Variants in CHSY3 observed in about 807,000 individuals in gnomAD.
CHSY3 encodes the protein chondroitin sulfate synthase 3.
In CHSY3, 35 loss-of-function variants were observed where a neutral mutation model predicts 67.2. The observed-to-expected ratio is 0.52, with a 90% CI of 0.40 to 0.69. The LOEUF is 0.69. Among genes scored for constraint, CHSY3 ranks in the 30% least tolerant of loss-of-function variants. The probability of loss-of-function intolerance (pLI) is 0.00; values close to 1 mark genes in which losing one functional copy is unlikely to be tolerated. For synonymous variants in CHSY3, 474 were observed against 434.7 expected (o/e 1.09, Z -1.12); for missense variants, 1,069 against 1,138.5 (o/e 0.94, Z 0.88).
At chr5:129,947,876 C>T (rs962570786) in intron 2 of CHSY3, among the ~76,000 whole-genome samples, 7 of 152,128 alleles carry the variant, frequency 4.6e-5, no homozygotes, top group African/African-American at 1.7e-4. Context: ...TGTTGAACAC[C>T]TTTTAATATA....
intron 2 of CHSY3, among the ~76,000 whole-genome samples, chr5:129,952,586 A>G (rs967024860): frequency 6.6e-5 from 10 of 152,142 alleles, no homozygotes; most frequent in Non-Finnish European, 1.5e-4. Flanking sequence ...TTTAATGAAA[A>G]TGTCCATTTG....
At position 130,184,376 on chromosome 5, in the gene CHSY3, C is replaced by T. The variant is rs151036314; in HGVS notation, c.1234C>T (p.Arg412Cys). Residue 412 changes from arginine to cysteine, a missense_variant, in exon 3 of 3, where the codon CGC becomes TGC. Arg to Cys is a radical substitution (Grantham distance 180, BLOSUM62 -3). This residue lies in a region of CHSY3 where 401 missense variants were observed against 395.2 expected (regional missense o/e 1.01). Coordinates refer to ENST00000305031, the MANE Select transcript of CHSY3 (RefSeq NM_175856.5). ...QYRLHNYMLS[R>C]KISELRYRTI... ...CAGGCTGCATAATTACATGCTCAGCCGCAAAATTTCTGAACTTCGCTACCG... is the reference window on the plus strand; with the variant it reads ...CAGGCTGCATAATTACATGCTCAGCTGCAAAATTTCTGAACTTCGCTACCG... The T allele has an allele frequency of 4.3e-6, 7 of 1,613,870 alleles. No homozygotes were observed. Among genetic ancestry groups the T allele is most frequent in the Middle Eastern group, 1.6e-4 (1 of 6,082 alleles).
At chr5:130,135,303 G>T (rs959587639) in intron 2 of CHSY3, among the ~76,000 whole-genome samples, 1 of 151,488 alleles carries the variant, frequency 6.6e-6, no homozygotes, top group African/African-American at 2.4e-5. Flanking sequence ...CACACCCTGT[G>T]CTGTACTTTA....
rs1340662666 is a variant in CHSY3, at chr5:129,988,893, A to G, written c.1086+80533A>G. 2.0e-5 allele frequency among the ~76,000 whole-genome samples: 3 copies of G among 152,176 alleles called. No homozygotes were observed. The East Asian group carries it at 5.8e-4, about 29-fold the overall frequency. On this transcript the variant is annotated intron_variant, in intron 2 of 2. Coordinates refer to ENST00000305031, the MANE Select transcript of CHSY3 (RefSeq NM_175856.5). ...TTAAAACCTGTACTTCTGTACCAACATCATCAGAGGGGCCCATTTGTCCTT... is the reference window on the plus strand; with the variant it reads ...TTAAAACCTGTACTTCTGTACCAACGTCATCAGAGGGGCCCATTTGTCCTT...
In CHSY3 at chr5:130,185,836, C is replaced by G. The variant is rs1400752079; in HGVS notation, c.*45C>G. The stretch of plus-strand genomic sequence containing the variant: ...TGCCTTTTTTAAGGGGAGTTTACCT[C>G]ATTGTTGGTTGTTGTTATTTTTATT... On this transcript the variant is annotated 3_prime_UTR_variant, in exon 3 of 3. Transcript: ENST00000305031. 4 of 1,225,314 alleles carry G rather than the reference C, an allele frequency of 3.3e-6. 1 individual carries two copies. The South Asian group carries it at 7.7e-5, about 24-fold the overall frequency. 75.9% of individuals were successfully genotyped at this position (1,225,314 alleles called of 1,614,324 possible).
intron 2 of CHSY3, among the ~76,000 whole-genome samples, chr5:130,104,704 C>T (rs1206004529): frequency 3.3e-5 from 5 of 151,612 alleles, no homozygotes; most frequent in South Asian, 2.1e-4. Flanking sequence ...GTTAATGTTT[C>T]GACTTGTTAA....
chr5:129,943,930 A>T (rs2149596436), intron 2 of CHSY3, among the ~76,000 whole-genome samples: 1 of 152,364 alleles, frequency 6.6e-6, no homozygotes, highest in Non-Finnish European at 1.5e-5. Flanking sequence ...GCTGGGGAAC[A>T]CACAAGTGTG....
At chr5:129,960,782 A>T (rs950797362) in intron 2 of CHSY3, among the ~76,000 whole-genome samples, 3 of 152,058 alleles carry the variant, frequency 2.0e-5, no homozygotes, top group African/African-American at 7.2e-5. Flanking sequence ...TTTCCTGCAA[A>T]ATTAACAGAT....
chr5:130,002,462 A>G (rs1020723926), intron 2 of CHSY3, among the ~76,000 whole-genome samples: 1 of 152,090 alleles, frequency 6.6e-6, no homozygotes, highest in African/African-American at 2.4e-5. Context: ...TCTGCAGATG[A>G]GAGGGAGCCA....
At chr5:130,161,911 G>T (rs987396013) in intron 2 of CHSY3, among the ~76,000 whole-genome samples, 4 of 151,706 alleles carry the variant, frequency 2.6e-5, no homozygotes, top group African/African-American at 9.7e-5. Flanking sequence ...GTGGTGGTGT[G>T]CACCTGTAAT....
At chr5:129,959,997 G>A (rs1387147208) in intron 2 of CHSY3, among the ~76,000 whole-genome samples, 1 of 152,022 alleles carries the variant, frequency 6.6e-6, no homozygotes, top group Admixed American at 6.6e-5. Flanking sequence ...CTAACCCAAA[G>A]GACTCTGAAT....
intron 2 of CHSY3, among the ~76,000 whole-genome samples, chr5:130,146,381 T>G (rs143517810): frequency 6.6e-6 from 1 of 152,118 alleles, no homozygotes; most frequent in African/African-American, 2.4e-5. Flanking sequence ...ATCTCACTCA[T>G]ACGTGGAAAC....
chr5:130,157,394 G>T (rs1343165166), intron 2 of CHSY3, among the ~76,000 whole-genome samples: 1 of 152,198 alleles, frequency 6.6e-6, no homozygotes, highest in Non-Finnish European at 1.5e-5. Context: ...GGTGCTAATA[G>T]GAACTATTTA....
chr5:130,128,729 G>A (rs1047564444), intron 2 of CHSY3, among the ~76,000 whole-genome samples: 1 of 152,018 alleles, frequency 6.6e-6, no homozygotes, highest in Non-Finnish European at 1.5e-5. Flanking sequence ...TATGTCTGTG[G>A]CCTTGTATAA....
At chr5:130,028,614 A>G (rs955867243) in intron 2 of CHSY3, among the ~76,000 whole-genome samples, 2 of 152,122 alleles carry the variant, frequency 1.3e-5, no homozygotes, top group African/African-American at 4.8e-5. Flanking sequence ...AGTGAAAATG[A>G]CAACTTATTA....
At chr5:130,100,989 C>G (rs1013913716) in intron 2 of CHSY3, among the ~76,000 whole-genome samples, 3 of 152,106 alleles carry the variant, frequency 2.0e-5, no homozygotes, top group Admixed American at 1.3e-4. Flanking sequence ...CCAGTTGGGT[C>G]GCCCCAGAGG....
intron 2 of CHSY3, among the ~76,000 whole-genome samples, chr5:130,051,050 T>C (rs976027442): frequency 6.6e-6 from 1 of 152,164 alleles, no homozygotes; most frequent in Non-Finnish European, 1.5e-5. Context: ...AAGTATTATT[T>C]GATTTTTGTT....
At position 130,089,629 on chromosome 5, in the gene CHSY3, G is replaced by A. The variant is rs561156669; in HGVS notation, c.1087-94600G>A. Among the ~76,000 whole-genome samples, 56 of 152,144 alleles carry A rather than the reference G, an allele frequency of 3.7e-4. 1 individual carries two copies. The South Asian group carries it at 7.9e-3, about 21-fold the overall frequency. On this transcript the variant is annotated intron_variant, in intron 2 of 2. Transcript: ENST00000305031. Reference sequence around the variant, plus strand: ...AAATATTTGTTAAATTGCTGTTAGAGGACTAGGCATTGCCTGAGAAACATG... The same window carrying A: ...AAATATTTGTTAAATTGCTGTTAGAAGACTAGGCATTGCCTGAGAAACATG...
At chr5:130,146,454 G>A (rs1029042252) in intron 2 of CHSY3, among the ~76,000 whole-genome samples, 4 of 152,110 alleles carry the variant, frequency 2.6e-5, no homozygotes, top group Non-Finnish European at 4.4e-5. Context: ...AGACTGGAGA[G>A]GGAAGGGAGA....
Sources: gnomAD v4.1 joint callset for allele counts (sites outside exome capture counted in the v4.1 genomes callset) on GRCh38, gnomAD v4.1.1 for gene constraint, gnomAD v4.1.1 regional missense constraint, MANE v1.5 for transcripts, NCBI Gene and HGNC (gene_info 2026-07-23, HGNC 2026-07-21) for gene names.